Variants in LRP1B observed in about 807,000 individuals in gnomAD.
The protein encoded by LRP1B is low-density lipoprotein receptor-related protein 1B.
In LRP1B, 217 loss-of-function variants were observed where a neutral mutation model predicts 556.6. The observed-to-expected ratio is 0.39, with a 90% CI of 0.35 to 0.44. LRP1B has a LOEUF of 0.44. LRP1B is among the 20% of genes least tolerant of loss of function. LRP1B has a pLI of 1.00. For missense variants in LRP1B, 5,053 were observed against 5,620.8 expected (o/e 0.90, Z 3.23); for synonymous variants, 2,047 against 1,865.8 (o/e 1.10, Z -2.50).
At chr2:141,772,075 C>G (rs758648134) in intron 2 of LRP1B, among the ~76,000 whole-genome samples, 4 of 152,080 alleles carry the variant, frequency 2.6e-5, no homozygotes, top group Admixed American at 6.5e-5. Context: ...CTGGGACTCC[C>G]AAAGTGCTGG....
At chr2:141,933,285 C>T (rs1476059539) in intron 1 of LRP1B, among the ~76,000 whole-genome samples, 1 of 151,900 alleles carries the variant, frequency 6.6e-6, no homozygotes, top group East Asian at 1.9e-4. Context: ...AATCACCCTA[C>T]TGAAAATATG....
intron 11 of LRP1B, among the ~76,000 whole-genome samples, chr2:141,035,371 AAT>A: frequency 6.7e-6 from 1 of 148,712 alleles, no homozygotes; most frequent in Non-Finnish European, 1.5e-5. Context: ...TAATAATAAT[AAT>A]AAAAAAATCT....
At chr2:141,547,006 T>C (rs1246312116) in intron 2 of LRP1B, among the ~76,000 whole-genome samples, 1 of 152,204 alleles carries the variant, frequency 6.6e-6, no homozygotes, top group Non-Finnish European at 1.5e-5. Flanking sequence ...CTTTTCCTAA[T>C]GGTTCCCAAA....
chr2:141,887,741 A>C (rs926206790), intron 1 of LRP1B, among the ~76,000 whole-genome samples: 6 of 152,210 alleles, frequency 3.9e-5, no homozygotes, highest in African/African-American at 1.4e-4. Flanking sequence ...ATTCTTGTCC[A>C]CAAATATCGA....
At chr2:142,119,746 C>T (rs185509186) in intron 1 of LRP1B, among the ~76,000 whole-genome samples, 6 of 151,818 alleles carry the variant, frequency 4.0e-5, no homozygotes, top group Non-Finnish European at 8.8e-5. Flanking sequence ...CTTTGTCTTT[C>T]TTTGCCTCTC....
intron 2 of LRP1B, among the ~76,000 whole-genome samples, chr2:141,676,636 T>G (rs766307175): frequency 6.6e-6 from 1 of 152,178 alleles, no homozygotes; most frequent in Non-Finnish European, 1.5e-5. Context: ...CAGTTAGAAT[T>G]GTTTAATTTT....
At position 141,812,792 on chromosome 2, in the gene LRP1B, G is replaced by A. The variant is rs528409306; in HGVS notation, c.83-2391C>T. Among the ~76,000 whole-genome samples the A allele has an allele frequency of 2.0e-5, 3 of 152,226 alleles. No homozygotes were observed. In the South Asian group the frequency reaches 6.2e-4, roughly 32 times the overall value. On this transcript the variant is annotated intron_variant, in intron 1 of 90. Transcript: ENST00000389484. The stretch of plus-strand genomic sequence containing the variant: ...TTCAAGATGATTTGACTAAGGTAAT[G>A]GGGAATTAGATGAAGACTCTGATCC...
intron 1 of LRP1B, among the ~76,000 whole-genome samples, chr2:141,993,735 A>G (rs572460314): frequency 1.3e-5 from 2 of 152,286 alleles, no homozygotes; most frequent in South Asian, 4.1e-4. Context: ...TCTTCCTAAA[A>G]TCAGTTTATA....
At chr2:141,083,531 T>C (rs1699976560) in intron 7 of LRP1B, among the ~76,000 whole-genome samples, 3 of 152,196 alleles carry the variant, frequency 2.0e-5, no homozygotes. Flanking sequence ...GTTTGAATAT[T>C]TGTCCCCTCT....
intron 2 of LRP1B, among the ~76,000 whole-genome samples, chr2:141,775,360 C>A (rs1284641866): frequency 6.6e-6 from 1 of 152,144 alleles, no homozygotes; most frequent in African/African-American, 2.4e-5. Context: ...TGTAAATTTA[C>A]TTCAGCTTTC....
chr2:141,210,489 A>C (rs1682494716), intron 6 of LRP1B, among the ~76,000 whole-genome samples: 1 of 152,132 alleles, frequency 6.6e-6, no homozygotes, highest in Non-Finnish European at 1.5e-5. Context: ...CATCAGTTTC[A>C]TAATTAAACA....
chr2:140,546,206 A>G (rs1227530392), intron 43 of LRP1B, among the ~76,000 whole-genome samples: 1 of 152,070 alleles, frequency 6.6e-6, no homozygotes, highest in Non-Finnish European at 1.5e-5. Context: ...TGTTCTCTAG[A>G]TATAGAATCA....
At chr2:141,929,501 C>T (rs1211920448) in intron 1 of LRP1B, among the ~76,000 whole-genome samples, 1 of 151,808 alleles carries the variant, frequency 6.6e-6, no homozygotes, top group Non-Finnish European at 1.5e-5. Flanking sequence ...AGAAGCACAA[C>T]CACAACATCG....
intron 2 of LRP1B, among the ~76,000 whole-genome samples, chr2:141,799,920 TATAA>T (rs760740859): frequency 7.9e-5 from 12 of 152,078 alleles, no homozygotes; most frequent in Non-Finnish European, 1.5e-4. Flanking sequence ...TGCATATGTA[TATAA>T]ATATTAACCT....
At chr2:141,901,828 A>G (rs990234923) in intron 1 of LRP1B, among the ~76,000 whole-genome samples, 1 of 151,964 alleles carries the variant, frequency 6.6e-6, no homozygotes, top group African/African-American at 2.4e-5. Context: ...ACAGTGCAAC[A>G]TAATAATTAA....
At chr2:140,599,194 C>T (rs1278841214) in intron 42 of LRP1B, among the ~76,000 whole-genome samples, 1 of 152,044 alleles carries the variant, frequency 6.6e-6, no homozygotes, top group Non-Finnish European at 1.5e-5. Context: ...TAACTTATTA[C>T]CACATTTCAG....
Position 140,813,640 on chromosome 2 carries a change from A to G in LRP1B, c.5359+17T>C, listed in dbSNP as rs1156683076. 1 of 1,611,430 alleles carries G rather than the reference A, an allele frequency of 6.2e-7. No individual in the cohort carries two copies. Among genetic ancestry groups the G allele is most frequent in the Non-Finnish European group, 8.5e-7 (1 of 1,178,264 alleles). ...AATCAATACAAAGCAACCAAGCTAT[A>G]GAATAATTTCACTTACCCATGATGG... is the stretch of plus-strand genomic sequence containing the variant. On this transcript the variant is annotated intron_variant, in intron 32 of 90. Coordinates refer to ENST00000389484, the MANE Select transcript of LRP1B (RefSeq NM_018557.3).
intron 90 of LRP1B, 44 bp from the exon 91 acceptor site, chr2:140,233,370 G>A (rs1305270568): frequency 7.1e-7 from 1 of 1,399,226 alleles, no homozygotes; most frequent in East Asian, 2.5e-5. Flanking sequence ...ACTGGTCTTG[G>A]CCACATTAAT....
At chr2:140,333,857 TG>T (rs1033860877) in intron 79 of LRP1B, among the ~76,000 whole-genome samples, 21 of 151,770 alleles carry the variant, frequency 1.4e-4, no homozygotes, top group African/African-American at 5.1e-4. Context: ...AAAAATGGCA[TG>T]GGAGAAAGAT....
Sources: allele counts gnomAD v4.1 joint callset (sites outside exome capture counted in the v4.1 genomes callset), GRCh38; gene constraint gnomAD v4.1.1; transcripts MANE v1.5; gene names NCBI Gene and HGNC (gene_info 2026-07-23, HGNC 2026-07-21).